Variants in SNTG1 observed in about 807,000 individuals in gnomAD.
SNTG1 encodes the protein syntrophin gamma 1, also known as gamma-1-syntrophin.
SNTG1 carries 39 observed loss-of-function variants against 74.7 expected under a neutral mutation model. That is an observed-to-expected ratio of 0.52 (90% CI 0.40 to 0.68). The LOEUF is 0.68. SNTG1 is among the 30% of genes least tolerant of loss of function. The probability of loss-of-function intolerance (pLI) is 0.00; values close to 1 mark genes in which losing one functional copy is unlikely to be tolerated. For synonymous variants in SNTG1, 254 were observed against 217.1 expected (o/e 1.17, Z -1.49); for missense variants, 685 against 609.5 (o/e 1.12, Z -1.30).
At chr8:50,618,961 T>A (rs1267334505) in intron 13 of SNTG1, among the ~76,000 whole-genome samples, 1 of 152,044 alleles carries the variant, frequency 6.6e-6, no homozygotes, top group Non-Finnish European at 1.5e-5. Context: ...TCAAGTGACA[T>A]TGATCACTGC....
At chr8:49,944,626 C>T (rs1808999759) in intron 1 of SNTG1, among the ~76,000 whole-genome samples, 1 of 148,802 alleles carries the variant, frequency 6.7e-6, no homozygotes, top group African/African-American at 2.5e-5. Context: ...ATACCTAATG[C>T]TAAATGACGA....
intron 1 of SNTG1, among the ~76,000 whole-genome samples, chr8:50,008,543 T>C (rs563045988): frequency 5.6e-4 from 86 of 152,290 alleles, no homozygotes; most frequent in African/African-American, 2.0e-3. Context: ...GATAGATGGA[T>C]GGATGGATCA....
chr8:50,176,954 C>T (rs2083021487), intron 2 of SNTG1, among the ~76,000 whole-genome samples: 1 of 152,112 alleles, frequency 6.6e-6, no homozygotes, highest in South Asian at 2.1e-4. Context: ...GATTCCATCT[C>T]CCCCTGTTCA....
chr8:50,423,153 G>C (rs1304476374), intron 4 of SNTG1, among the ~76,000 whole-genome samples: 2 of 152,184 alleles, frequency 1.3e-5, no homozygotes, highest in Admixed American at 6.5e-5. Context: ...TCCATACAGT[G>C]TGTGTTCTCT....
chr8:50,603,011 C>G (rs545765746), intron 13 of SNTG1, among the ~76,000 whole-genome samples: 16 of 150,646 alleles, frequency 1.1e-4, no homozygotes, highest in Non-Finnish European at 2.2e-4. Context: ...TAGATGAAGT[C>G]CACTTGGTGC....
chr8:50,626,587 C>T (rs1563664322), intron 13 of SNTG1, among the ~76,000 whole-genome samples: 1 of 152,194 alleles, frequency 6.6e-6, no homozygotes, highest in African/African-American at 2.4e-5. Flanking sequence ...TTACAGGAAA[C>T]AAAGGAATGG....
chr8:50,617,384 A>G (rs1028839378), intron 13 of SNTG1, among the ~76,000 whole-genome samples: 1 of 125,560 alleles, frequency 8.0e-6, no homozygotes, highest in African/African-American at 4.3e-5. Context: ...CATTTCACAC[A>G]CACACACACA....
intron 1 of SNTG1, among the ~76,000 whole-genome samples, chr8:49,979,995 A>G (rs1017222889): frequency 1.3e-5 from 2 of 152,158 alleles, no homozygotes; most frequent in African/African-American, 2.4e-5. Flanking sequence ...TGACAGACAC[A>G]CTCATATTGT....
At chr8:50,425,129 G>T (rs1188716404) in intron 4 of SNTG1, among the ~76,000 whole-genome samples, 2 of 152,106 alleles carry the variant, frequency 1.3e-5, no homozygotes, top group Admixed American at 1.3e-4. Flanking sequence ...CACAAGATTT[G>T]CGTCCGGGCA....
At chr8:50,514,219 C>G (rs1291574205) in intron 9 of SNTG1, among the ~76,000 whole-genome samples, 2 of 151,998 alleles carry the variant, frequency 1.3e-5, no homozygotes, top group Non-Finnish European at 2.9e-5. Context: ...TATTTCTGCT[C>G]TAATCTTTAT....
chr8:50,124,759 T>C (rs1300584456), intron 1 of SNTG1, among the ~76,000 whole-genome samples: 1 of 140,910 alleles, frequency 7.1e-6, no homozygotes, highest in East Asian at 2.0e-4. Flanking sequence ...AGGAAGAAAA[T>C]TGTTGCCAAA....
chr8:50,646,210 C>A (rs1263421279), intron 13 of SNTG1, among the ~76,000 whole-genome samples: 2 of 152,098 alleles, frequency 1.3e-5, no homozygotes, highest in East Asian at 3.9e-4. Context: ...CTCATTAATA[C>A]ACAGCCTTAC....
intron 2 of SNTG1, among the ~76,000 whole-genome samples, chr8:50,228,890 T>C (rs1481518120): frequency 6.6e-6 from 1 of 151,780 alleles, no homozygotes; most frequent in Non-Finnish European, 1.5e-5. Context: ...GTTATTTGTT[T>C]AATTCTTGGC....
intron 1 of SNTG1, among the ~76,000 whole-genome samples, chr8:50,022,242 T>G (rs1223808853): frequency 6.6e-6 from 1 of 152,180 alleles, no homozygotes; most frequent in Admixed American, 6.5e-5. Context: ...GAGACTGCTC[T>G]GTAGATAAAT....
intron 1 of SNTG1, among the ~76,000 whole-genome samples, chr8:50,012,283 T>C (rs926772195): frequency 2.0e-5 from 3 of 152,190 alleles, no homozygotes; most frequent in African/African-American, 7.2e-5. Flanking sequence ...TGGTTTATTT[T>C]ACTACTTGCA....
intron 2 of SNTG1, among the ~76,000 whole-genome samples, chr8:50,390,863 T>A (rs1295448407): frequency 6.6e-6 from 1 of 152,156 alleles, no homozygotes; most frequent in Non-Finnish European, 1.5e-5. Context: ...TTTATTTGGC[T>A]CTCTGTTTGT....
chr8:50,242,025 C>T (rs751916394), intron 2 of SNTG1, among the ~76,000 whole-genome samples: 8 of 151,540 alleles, frequency 5.3e-5, no homozygotes, highest in South Asian at 4.2e-4. Flanking sequence ...TCCTTCCTCT[C>T]GATGGATCAC....
At chr8:50,401,119 T>C (rs1434331560) in intron 3 of SNTG1, among the ~76,000 whole-genome samples, 1 of 152,132 alleles carries the variant, frequency 6.6e-6, no homozygotes, top group Non-Finnish European at 1.5e-5. Context: ...TAATTAACTC[T>C]GAGGATAAAT....
At chr8:50,445,272 G>A (rs554983345) in intron 5 of SNTG1, among the ~76,000 whole-genome samples, 4 of 152,110 alleles carry the variant, frequency 2.6e-5, no homozygotes. Flanking sequence ...GTTGTCCATT[G>A]CAGCTCTTAA....
Sources: gnomAD v4.1 joint callset for allele counts (sites outside exome capture counted in the v4.1 genomes callset) on GRCh38, gnomAD v4.1.1 for gene constraint, MANE v1.5 for transcripts, NCBI Gene and HGNC (gene_info 2026-07-23, HGNC 2026-07-21) for gene names.